Variants in KCNIP1 observed in about 807,000 individuals in gnomAD.
KCNIP1 encodes potassium voltage-gated channel interacting protein 1.
In KCNIP1, 18 loss-of-function variants were observed where a neutral mutation model predicts 33.0. The ratio of observed to expected loss-of-function variants is 0.55; its 90% CI spans 0.38 to 0.81. KCNIP1 has a LOEUF of 0.81. Among genes scored for constraint, KCNIP1 ranks in the 30% least tolerant of loss-of-function variants. The pLI is 0.00. For synonymous variants in KCNIP1, 93 were observed against 98.3 expected (o/e 0.95, Z 0.32); for missense variants, 238 against 271.6 (o/e 0.88, Z 0.87).
Position 170,424,449 on chromosome 5 carries a change from G to T in KCNIP1, c.88+70485G>T, listed in dbSNP as rs181391861. Among the ~76,000 whole-genome samples, 34 of 152,308 alleles carry T rather than the reference G, an allele frequency of 2.2e-4. 1 individual carries two copies. In the East Asian group the frequency reaches 5.8e-3, roughly 26 times the overall value. ...GAGCCTTGGCAACTCACACAAGGCT[G>T]CCCGAGAACAAAGGGTGCATCCCAC... is the stretch of plus-strand genomic sequence containing the variant. On this transcript the variant is annotated intron_variant, in intron 1 of 7. Transcript: ENST00000377360.
At chr5:170,499,634 G>T (rs1581245290), upstream of KCNIP1, among the ~76,000 whole-genome samples, 1 of 152,158 alleles carries the variant, frequency 6.6e-6, no homozygotes, top group South Asian at 2.1e-4. Context: ...AACTACTGTT[G>T]TCCATAAGGA....
chr5:170,598,596 G>C (rs1213281922), intron 1 of KCNIP1, among the ~76,000 whole-genome samples: 1 of 152,206 alleles, frequency 6.6e-6, no homozygotes, highest in Non-Finnish European at 1.5e-5. Context: ...TCGAGTCCTA[G>C]AGAGGCTCAG....
chr5:170,713,009 C>T, intron 1 of KCNIP1: 2 of 805,164 alleles, frequency 2.5e-6, no homozygotes, highest in Non-Finnish European at 4.4e-6. Context: ...CCTTTGTTAA[C>T]AAGCCCCACA....
At chr5:170,379,973 T>G (rs1436986685) in intron 1 of KCNIP1, among the ~76,000 whole-genome samples, 2 of 146,050 alleles carry the variant, frequency 1.4e-5, no homozygotes, top group East Asian at 4.0e-4. Flanking sequence ...AAAAGTAAAA[T>G]ATTAGCTAAA....
chr5:170,519,131 G>C (rs796352035), intron 1 of KCNIP1, among the ~76,000 whole-genome samples: 1 of 152,140 alleles, frequency 6.6e-6, no homozygotes, highest in Admixed American at 6.6e-5. Flanking sequence ...TATAGTGAGG[G>C]CTCCGCTAAT....
At chr5:170,409,681 G>A (rs1009226214) in intron 1 of KCNIP1, among the ~76,000 whole-genome samples, 3 of 152,164 alleles carry the variant, frequency 2.0e-5, no homozygotes, top group Non-Finnish European at 2.9e-5. Context: ...ACTAAGCCAT[G>A]GTCCCTGGAA....
chr5:170,647,234 A>C (rs1341843148), intron 1 of KCNIP1, among the ~76,000 whole-genome samples: 1 of 152,222 alleles, frequency 6.6e-6, no homozygotes, highest in South Asian at 2.1e-4. Flanking sequence ...ATTGGTTATT[A>C]GCAACTATTA....
chr5:170,528,829 T>C (rs1323713630), intron 1 of KCNIP1, among the ~76,000 whole-genome samples: 1 of 152,224 alleles, frequency 6.6e-6, no homozygotes, highest in Non-Finnish European at 1.5e-5. Flanking sequence ...GCGCTGTCTC[T>C]GTATGCATGT....
At chr5:170,668,467 G>A (rs1761790396) in intron 1 of KCNIP1, among the ~76,000 whole-genome samples, 2 of 152,214 alleles carry the variant, frequency 1.3e-5, no homozygotes, top group African/African-American at 4.8e-5. Flanking sequence ...CCCTGTTGAT[G>A]AGCATGTTGG....
intron 1 of KCNIP1, among the ~76,000 whole-genome samples, chr5:170,453,898 G>C (rs1756313567): frequency 6.6e-6 from 1 of 152,168 alleles, no homozygotes; most frequent in African/African-American, 2.4e-5. Context: ...TCCTGAGTAA[G>C]GCTGGAACTA....
chr5:170,633,025 G>A (rs776404088), intron 1 of KCNIP1, among the ~76,000 whole-genome samples: 1 of 152,184 alleles, frequency 6.6e-6, no homozygotes, highest in Non-Finnish European at 1.5e-5. Flanking sequence ...GAATTCCTGG[G>A]TCTCAGAGGA....
intron 1 of KCNIP1, among the ~76,000 whole-genome samples, chr5:170,586,561 G>C (rs958589524): frequency 6.6e-6 from 1 of 152,224 alleles, no homozygotes; most frequent in South Asian, 2.1e-4. Context: ...ATGCCACATT[G>C]TTCTGTGTGG....
chr5:170,420,910 T>C (rs1755471562), intron 1 of KCNIP1, among the ~76,000 whole-genome samples: 1 of 152,202 alleles, frequency 6.6e-6, no homozygotes, highest in Non-Finnish European at 1.5e-5. Context: ...CTCTAAGGAC[T>C]CAATAGCCAC....
intron 5 of KCNIP1, among the ~76,000 whole-genome samples, chr5:170,724,311 A>G (rs972256894): frequency 6.6e-6 from 1 of 152,190 alleles, no homozygotes; most frequent in Non-Finnish European, 1.5e-5. Context: ...AACCAAAGAA[A>G]AAAAGGTCTT....
intron 1 of KCNIP1, among the ~76,000 whole-genome samples, chr5:170,392,574 G>A (rs1754631767): frequency 2.0e-5 from 3 of 152,166 alleles, no homozygotes. Context: ...TGTAATCCTA[G>A]CACTTTTCGA....
intron 1 of KCNIP1, among the ~76,000 whole-genome samples, chr5:170,431,395 C>T (rs1023353854): frequency 6.6e-6 from 1 of 152,202 alleles, no homozygotes; most frequent in South Asian, 2.1e-4. Context: ...CATCTCTCTC[C>T]TGATAGGCTT....
chr5:170,611,428 G>A lies in KCNIP1; in HGVS notation c.61+106795G>A, dbSNP rs368751926. ...CCCATGAAAAGTACCACACTACGAA[G>A]TGCAGCCAAGGTCCAGAGGGGTATG... On this transcript the variant is annotated intron_variant, in intron 1 of 7. Coordinates refer to ENST00000328939, the MANE Select transcript of KCNIP1 (RefSeq NM_014592.4). Among the ~76,000 whole-genome samples, 363 of 152,340 alleles carry A rather than the reference G, an allele frequency of 2.4e-3. 3 individuals carry two copies. The highest frequency in any genetic ancestry group is 8.2e-3 in the African/African-American group (341 of 41,580).
At chr5:170,494,945 A>T (rs1047658571) in intron 1 of KCNIP1, among the ~76,000 whole-genome samples, 1 of 152,222 alleles carries the variant, frequency 6.6e-6, no homozygotes, top group African/African-American at 2.4e-5. Flanking sequence ...AAATGGAGAA[A>T]AGAGAAGTAC....
At chr5:170,480,848 T>C (rs1198709857) in intron 1 of KCNIP1, among the ~76,000 whole-genome samples, 1 of 152,212 alleles carries the variant, frequency 6.6e-6, no homozygotes, top group East Asian at 1.9e-4. Context: ...CAAGCATGAC[T>C]ACTAATTTCT....
Sources: allele counts gnomAD v4.1 joint callset (sites outside exome capture counted in the v4.1 genomes callset), GRCh38; gene constraint gnomAD v4.1.1; transcripts MANE v1.5; gene names NCBI Gene and HGNC (gene_info 2026-07-23, HGNC 2026-07-21).